Variants in JAG2 observed in about 807,000 individuals in gnomAD.
The protein encoded by JAG2 is jagged canonical Notch ligand 2.
In JAG2, 46 loss-of-function variants were observed where a neutral mutation model predicts 141.7. The observed-to-expected ratio is 0.32, with a 90% CI of 0.26 to 0.42. JAG2 has a LOEUF of 0.42. JAG2 is among the 10% of genes least tolerant of loss of function. The pLI is 1.00. For synonymous variants in JAG2, 862 were observed against 763.5 expected, an observed-to-expected ratio of 1.13 and a Z score of -2.13; for missense variants, 1,500 against 1,817.5, an observed-to-expected ratio of 0.83 and a Z score of 3.18.
chr14:105,142,942 G>A lies in JAG2; in HGVS notation c.3470C>T (p.Pro1157Leu), dbSNP rs201726085. 3.5e-4 allele frequency: 559 copies of A among 1,608,892 alleles called. 2 individuals are homozygous for A. The highest frequency in any genetic ancestry group is 5.3e-4 in the Admixed American group (32 of 59,814). Residue 1157 changes from proline to leucine, a missense_variant, in exon 26 of 26, where the codon CCG (proline) becomes CTG (leucine). Around this residue, in one of 3 missense-constraint regions of JAG2, gnomAD observed 425 missense variants for 441.0 expected, o/e 0.96. Transcript: ENST00000331782. ...VLYQCKNFTP[P>L]PRRADEALPG... is the part of the protein sequence containing the mutation. The stretch of plus-strand genomic sequence containing the variant: ...CAGCGCCTCGTCCGCCCTGCGCGGC[G>A]GCGGCGTGAAGTTCTTGCACTGGTA...
intron 1 of JAG2, 36 bp downstream of exon 1, chr14:105,168,319 G>T: frequency 3.8e-6 from 2 of 530,378 alleles, no homozygotes; most frequent in Non-Finnish European, 4.9e-6. Flanking sequence ...GGTGTGCCCC[G>T]TCCGCGACCC....
In JAG2 at chr14:105,155,462, C is replaced by T. The variant is rs1888550947; in HGVS notation, c.788+100G>A. 9.3e-6 allele frequency: 13 copies of T among 1,391,686 alleles called. No individual in the cohort carries two copies. The South Asian group carries it at 1.5e-4, about 16-fold the overall frequency. 86.2% of individuals were successfully genotyped at this position (1,391,686 alleles called of 1,614,324 possible). ...CTCTCACAGCTGTGTGCCCAACCTC[C>T]AGCCAGCTCCGGGCGACTCCTGACA... is the stretch of plus-strand genomic sequence containing the variant. On this transcript the variant is annotated intron_variant, in intron 5 of 25. Coordinates refer to ENST00000331782, the MANE Select transcript of JAG2 (RefSeq NM_002226.5).
chr14:105,145,719 C>G lies in JAG2; in HGVS notation c.2952+12G>C. 6.3e-7 allele frequency: 1 copy of G among 1,587,710 alleles called. No homozygotes were observed. On this transcript the variant is annotated intron_variant, in intron 23 of 25. Coordinates refer to ENST00000331782, the MANE Select transcript of JAG2 (RefSeq NM_002226.5). ...TGGCCTCTGCAAGCTCAGATGCCAC[C>G]AGGCCCCTCACCTGGGGCACGTGGT...
At position 105,142,898 on chromosome 14, in the gene JAG2, C is replaced by T. The variant is rs587647951; in HGVS notation, c.3514G>A (p.Ala1172Thr). ...DEALPGPAGHAAVREDEEDED... is the reference protein window; with the variant it reads ...DEALPGPAGHTAVREDEEDED... ...TCCTCCTCATCCTCCCTGACGGCCG[C>T]GTGGCCGGCCGGCCCGGGCAGCGCC... Residue 1172 changes from alanine (A) to threonine (T), a missense_variant, in exon 26 of 26, where the codon GCG becomes ACG. Physicochemically the swap from Ala to Thr is moderately conservative, Grantham distance 58. Transcript: ENST00000331782. The T allele has an allele frequency of 3.4e-5, 55 of 1,600,686 alleles. No individual in the cohort carries two copies. The highest frequency in any genetic ancestry group is 1.7e-4 in the Middle Eastern group (1 of 6,050).
At chr14:105,156,135 G>T in intron 3 of JAG2, 146 bp from the exon 4 acceptor site, 1 of 1,080,874 alleles carries the variant, frequency 9.3e-7, no homozygotes, top group Non-Finnish European at 1.3e-6. Flanking sequence ...AGGGCCCCCG[G>T]CCAGGCTGCT....
At chr14:105,162,781 C>A (rs11844792) in intron 2 of JAG2, among the ~76,000 whole-genome samples, 5,502 of 89,310 alleles carry the variant, frequency 0.062, 364 homozygotes, top group African/African-American at 0.15. Context: ...TACCCACAGT[C>A]CAGGGCACCC....
At chr14:105,148,482 G>A (rs377354727) in intron 15 of JAG2, 43 bp from the exon 16 acceptor site, 21 of 1,456,182 alleles carry the variant, frequency 1.4e-5, no homozygotes, top group African/African-American at 7.0e-5. Context: ...GGTCACCGGC[G>A]CTCAGGGAGG....
chr14:105,160,863 CAAAA>C (rs774746168), intron 2 of JAG2, among the ~76,000 whole-genome samples: 1 of 79,712 alleles, frequency 1.3e-5, no homozygotes, highest in Non-Finnish European at 2.8e-5. Flanking sequence ...AACTCCATCT[CAAAA>C]AAAAAAAAAA....
At position 105,145,807 on chromosome 14, in the gene JAG2, CA is replaced by C; in HGVS notation, c.2875del (p.Cys959AlafsTer83). 6.4e-7 allele frequency: 1 copy of C among 1,570,420 alleles called. No homozygotes were observed. Among genetic ancestry groups the C allele is most frequent in the East Asian group, 2.4e-5 (1 of 41,940 alleles). ...GTCCAGGTGGCCGGAGCGTGGCAGG[CA>C]GGGGGTGCTCGGTGGCTCTTCTGCG... ...CGAEEPPSTP[C>X]LPRSGHLDNN... On this transcript the variant is annotated frameshift_variant, in exon 23 of 26. Transcript: ENST00000331782. LOFTEE classifies it high-confidence loss of function.
Position 105,148,102 on chromosome 14 carries a change from C to A in JAG2, c.2248+14G>T. 2 of 1,537,314 alleles carry A rather than the reference C, an allele frequency of 1.3e-6. No homozygotes were observed. Among genetic ancestry groups the A allele is most frequent in the Non-Finnish European group, 1.8e-6 (2 of 1,137,160 alleles). ...ATATGCCCGGCGGTCGCAGAGGCAG[C>A]GGGGGCTCCTCACCGACGGCGCAGG... On this transcript the variant is annotated intron_variant, in intron 17 of 25. Transcript: ENST00000331782.
chr14:105,144,834 G>A (rs1350242875), intron 24 of JAG2, 96 bp downstream of exon 24: 2 of 1,490,654 alleles, frequency 1.3e-6, no homozygotes, highest in South Asian at 2.4e-5. Flanking sequence ...TCCGCACCAG[G>A]ACTAGCCTCG....
intron 17 of JAG2, 73 bp downstream of exon 17, chr14:105,148,043 C>A (rs373054549): frequency 6.1e-6 from 8 of 1,308,428 alleles, no homozygotes; most frequent in Non-Finnish European, 8.6e-6. Flanking sequence ...ACCCCTCGGC[C>A]CATCGCGCCC....
chr14:105,142,834 G>A lies in JAG2; in HGVS notation c.3578C>T (p.Ala1193Val), dbSNP rs759588963. The A allele has an allele frequency of 3.3e-5, 53 of 1,610,174 alleles. No homozygotes were observed. Among genetic ancestry groups the A allele is most frequent in the South Asian group, 2.1e-4 (19 of 90,550 alleles). Reference sequence around the variant, plus strand: ...GAATTTGTGTGAGAGGAACTTCTCCGCCTCCAGGGAGTCCTCCTCACCGCG... The same window carrying A: ...GAATTTGTGTGAGAGGAACTTCTCCACCTCCAGGGAGTCCTCCTCACCGCG... ...LGRGEEDSLE[A>V]EKFLSHKFTK... Residue 1193 changes from alanine to valine, a missense_variant, in exon 26 of 26, where the codon GCG becomes GTG. Transcript: ENST00000331782.
chr14:105,162,917 T>C (rs1441026124), intron 2 of JAG2, among the ~76,000 whole-genome samples: 4 of 77,402 alleles, frequency 5.2e-5, no homozygotes, highest in African/African-American at 8.6e-5. Context: ...CACTGCCCAC[T>C]GTACCCCAAT....
At chr14:105,150,005 G>T (rs1185595204) in intron 12 of JAG2, among the ~76,000 whole-genome samples, 2 of 29,696 alleles carry the variant, frequency 6.7e-5, no homozygotes, top group African/African-American at 3.6e-4. Context: ...TAGGGGAGGG[G>T]TGATAGTGAG....
chr14:105,168,056 C>T lies in JAG2; in HGVS notation c.118G>A (p.Val40Met). The T allele has an allele frequency of 6.3e-7, 1 of 1,590,938 alleles. No individual in the cohort carries two copies. The highest frequency in any genetic ancestry group is 8.5e-7 in the Non-Finnish European group (1 of 1,175,672). The change falls in exon 2 of 26, where the codon GTG becomes ATG. Residue 40 changes from valine (V) to methionine (M), a missense_variant. Around this residue, in one of 3 missense-constraint regions of JAG2, gnomAD observed 200 missense variants for 174.3 expected, o/e 1.15. Transcript: ENST00000331782. ...GCGCCGCTCAGCAGCTCCCCGTTCA[C>T]GTTCCGCAGCGCGCTCAGCTGCAGC... Reference protein sequence around the residue: ...FELQLSALRNVNGELLSGACC... With the variant: ...FELQLSALRNMNGELLSGACC...
chr14:105,168,224 G>C (rs1353940713), intron 1 of JAG2, 117 bp from the exon 2 acceptor site: 1 of 890,848 alleles, frequency 1.1e-6, no homozygotes. Flanking sequence ...CGCCCGCCCG[G>C]AGCCCCAGCC....
chr14:105,151,943 T>C lies in JAG2; in HGVS notation c.1034A>G (p.Glu345Gly), dbSNP rs757157699. Residue 345 changes from glutamate (E) to glycine (G), a missense_variant, in exon 7 of 26, where the codon GAG (glutamate) becomes GGG (glycine). Glu to Gly is a moderately conservative substitution (Grantham distance 98). This residue lies in a region of JAG2 where 875 missense variants were observed against 1,202.2 expected (regional missense o/e 0.73). Coordinates refer to ENST00000331782, the MANE Select transcript of JAG2 (RefSeq NM_002226.5). ...GTGGCCAGCCCCCCACGTACCCTTCTCACAGTTCCTGCCCGAGTAGCCGTC... is the reference window on the plus strand; with the variant it reads ...GTGGCCAGCCCCCCACGTACCCTTCCCACAGTTCCTGCCCGAGTAGCCGTC... Reference protein sequence around the residue: ...CPDGYSGRNCEKAEHACTSNP... With the variant: ...CPDGYSGRNCGKAEHACTSNP... The C allele has an allele frequency of 1.2e-6, 2 of 1,613,066 alleles. No individual in the cohort carries two copies. The highest frequency in any genetic ancestry group is 1.1e-5 in the South Asian group (1 of 91,082).
At chr14:105,161,395 G>C in intron 2 of JAG2, among the ~76,000 whole-genome samples, 1 of 152,162 alleles carries the variant, frequency 6.6e-6, no homozygotes. Context: ...AGGCCACCCG[G>C]TCTCCCGGCA....
Sources: gnomAD v4.1 joint callset for allele counts (sites outside exome capture counted in the v4.1 genomes callset) on GRCh38, gnomAD v4.1.1 for gene constraint, gnomAD v4.1.1 regional missense constraint, MANE v1.5 for transcripts, NCBI Gene and HGNC (gene_info 2026-07-23, HGNC 2026-07-21) for gene names.